Variants in KCNAB1 observed in about 807,000 individuals in gnomAD.
The protein encoded by KCNAB1 is potassium voltage-gated channel subfamily A regulatory beta subunit 1.
KCNAB1 carries 35 observed loss-of-function variants against 64.6 expected under a neutral mutation model. The ratio of observed to expected loss-of-function variants is 0.54; its 90% CI spans 0.41 to 0.72. The LOEUF (loss-of-function observed/expected upper bound fraction) is 0.72, where lower values mean the gene tolerates loss of function less well. Among genes scored for constraint, KCNAB1 ranks in the 30% least tolerant of loss-of-function variants. The pLI is 0.00. For synonymous variants in KCNAB1, 177 were observed against 183.8 expected (o/e 0.96, Z 0.30); for missense variants, 401 against 512.9 (o/e 0.78, Z 2.11).
intron 1 of KCNAB1, among the ~76,000 whole-genome samples, chr3:156,339,092 C>T (rs144087606): frequency 5.3e-5 from 8 of 152,184 alleles, no homozygotes; most frequent in Non-Finnish European, 7.4e-5. Context: ...ACTTGGCCTG[C>T]GCTCAGGGGT....
chr3:156,251,863 G>C (rs902025844), intron 1 of KCNAB1, among the ~76,000 whole-genome samples: 2 of 152,130 alleles, frequency 1.3e-5, no homozygotes, highest in African/African-American at 4.8e-5. Flanking sequence ...TAGTTTTCCT[G>C]ATCTAATTAG....
intron 1 of KCNAB1, among the ~76,000 whole-genome samples, chr3:156,151,060 A>G (rs1273511369): frequency 6.6e-6 from 1 of 152,166 alleles, no homozygotes; most frequent in African/African-American, 2.4e-5. Context: ...TGTTGGTGTC[A>G]GCCCCACCTC....
intron 1 of KCNAB1, among the ~76,000 whole-genome samples, chr3:156,157,081 A>G (rs993207525): frequency 6.6e-6 from 1 of 152,210 alleles, no homozygotes; most frequent in Admixed American, 6.5e-5. Flanking sequence ...AGTATGTTCA[A>G]TACTACTGCT....
intron 12 of KCNAB1, among the ~76,000 whole-genome samples, chr3:156,526,164 C>A (rs930744792): frequency 6.6e-6 from 1 of 152,174 alleles, no homozygotes; most frequent in Non-Finnish European, 1.5e-5. Flanking sequence ...ACATGCTGTA[C>A]AGATTTGGAA....
At chr3:156,161,625 G>A (rs1716086160) in intron 1 of KCNAB1, among the ~76,000 whole-genome samples, 2 of 152,128 alleles carry the variant, frequency 1.3e-5, no homozygotes, top group Admixed American at 1.3e-4. Flanking sequence ...TTTGAATATA[G>A]GTAACTGTCT....
intron 2 of KCNAB1, 125 bp downstream of exon 2, chr3:156,421,784 TTGCCCCACTTCTCC>T (rs1319851914): frequency 1.4e-6 from 1 of 727,148 alleles, no homozygotes; most frequent in African/African-American, 1.8e-5. Flanking sequence ...CTGGCCAGTA[TTGCCCCACTTCTCC>T]TTTGAGCCTT....
intron 1 of KCNAB1, among the ~76,000 whole-genome samples, chr3:156,314,239 TGTA>T (rs1425281523): frequency 2.0e-5 from 3 of 152,138 alleles, no homozygotes; most frequent in Non-Finnish European, 4.4e-5. Context: ...AAGGCAAAAA[TGTA>T]GTACATGTAT....
At chr3:156,280,911 CA>C (rs1222985200) in intron 1 of KCNAB1, among the ~76,000 whole-genome samples, 1 of 148,466 alleles carries the variant, frequency 6.7e-6, no homozygotes, top group Non-Finnish European at 1.5e-5. Context: ...CATCTGCAAA[CA>C]GGGACAATTT....
intron 1 of KCNAB1, among the ~76,000 whole-genome samples, chr3:156,363,588 G>T (rs1725751632): frequency 6.6e-6 from 1 of 151,850 alleles, no homozygotes; most frequent in South Asian, 2.1e-4. Flanking sequence ...AGATTCTGTT[G>T]CCTCAGCCTC....
At chr3:156,325,655 T>C (rs1010433816) in intron 1 of KCNAB1, among the ~76,000 whole-genome samples, 6 of 151,868 alleles carry the variant, frequency 4.0e-5, no homozygotes, top group African/African-American at 1.4e-4. Context: ...TATTGCCAAA[T>C]TAAAATTATC....
chr3:156,149,048 G>A (rs1715229266), intron 1 of KCNAB1, among the ~76,000 whole-genome samples: 1 of 152,050 alleles, frequency 6.6e-6, no homozygotes, highest in African/African-American at 2.4e-5. Context: ...ATTGTGCCTA[G>A]AACAAAAATA....
intron 1 of KCNAB1, among the ~76,000 whole-genome samples, chr3:156,289,980 C>T (rs1403695057): frequency 2.0e-5 from 3 of 152,068 alleles, no homozygotes; most frequent in Admixed American, 6.6e-5. Context: ...AGGCAAAGTC[C>T]CACTCTTCTA....
At chr3:156,507,549 G>A (rs1016565408) in intron 8 of KCNAB1, among the ~76,000 whole-genome samples, 1 of 152,202 alleles carries the variant, frequency 6.6e-6, no homozygotes. Context: ...CAAGCTGAGA[G>A]GATTCTCTGC....
intron 1 of KCNAB1, among the ~76,000 whole-genome samples, chr3:156,197,540 G>T (rs1305455774): frequency 6.6e-6 from 1 of 152,232 alleles, no homozygotes. Context: ...TCTTGGGAGG[G>T]TGTATATATC....
At chr3:156,182,136 A>G (rs1181117615) in intron 1 of KCNAB1, among the ~76,000 whole-genome samples, 7 of 152,298 alleles carry the variant, frequency 4.6e-5, no homozygotes, top group African/African-American at 9.6e-5. Flanking sequence ...TTAAGTCCCT[A>G]TATAAGATGG....
At chr3:156,421,566 A>C (rs749350030) in intron 1 of KCNAB1, 50 bp from the exon 2 acceptor site, 11 of 1,579,708 alleles carry the variant, frequency 7.0e-6, no homozygotes, top group African/African-American at 1.3e-5. Flanking sequence ...ATGCATGTAC[A>C]GTTCCACCTG....
intron 1 of KCNAB1, among the ~76,000 whole-genome samples, chr3:156,198,331 C>A (rs149192700): frequency 6.2e-4 from 94 of 152,194 alleles, no homozygotes; most frequent in Non-Finnish European, 1.2e-3. Context: ...GAGTTCAAGT[C>A]CTGAATATCC....
intron 1 of KCNAB1, among the ~76,000 whole-genome samples, chr3:156,178,991 A>G: frequency 7.6e-6 from 1 of 130,884 alleles, no homozygotes. Context: ...ACACAGCGAG[A>G]CTCCGTCTCA....
At chr3:156,430,082 G>A (rs1014786064) in intron 2 of KCNAB1, among the ~76,000 whole-genome samples, 3 of 152,174 alleles carry the variant, frequency 2.0e-5, no homozygotes, top group Non-Finnish European at 2.9e-5. Flanking sequence ...CTTAAGAATT[G>A]CTGACAAAAA....
Sources: gnomAD v4.1 joint callset for allele counts (sites outside exome capture counted in the v4.1 genomes callset) on GRCh38, gnomAD v4.1.1 for gene constraint, MANE v1.5 for transcripts, NCBI Gene and HGNC (gene_info 2026-07-23, HGNC 2026-07-21) for gene names.